Variants in IGF2R observed in about 807,000 individuals in gnomAD.
IGF2R encodes the protein insulin like growth factor 2 receptor, also known as cation-independent mannose-6-phosphate receptor.
Under a neutral mutation model 270.6 loss-of-function variants are expected in IGF2R, and 91 were observed. The ratio of observed to expected loss-of-function variants is 0.34; its 90% CI spans 0.28 to 0.40. IGF2R has a LOEUF of 0.40. Ranked by LOEUF, IGF2R falls within the 10% of genes least tolerant of loss-of-function variation. The pLI is 1.00. For synonymous variants in IGF2R, 1,316 were observed against 1,258.9 expected (o/e 1.05, Z -0.96); for missense variants, 2,805 against 3,188.3 (o/e 0.88, Z 2.90).
At chr6:159,980,541 C>T (rs1269358513) in intron 1 of IGF2R, among the ~76,000 whole-genome samples, 2 of 152,222 alleles carry the variant, frequency 1.3e-5, no homozygotes, top group African/African-American at 2.4e-5. Flanking sequence ...GGAGCCTCTG[C>T]TGTCTGATGT....
In IGF2R at chr6:160,064,843, T is replaced by TTTCC; in HGVS notation, c.4059_4060insCCTT (p.Glu1354ProfsTer2). 6.2e-7 allele frequency: 1 copy of TTTCC among 1,613,926 alleles called. No homozygotes were observed. The highest frequency in any genetic ancestry group is 8.5e-7 in the Non-Finnish European group (1 of 1,179,730). ...GGAGACTTCAGATTGTTCCTACTTG[T>TTTCC]TTGAGTGGCGAACGCAGTATGCCTG... is the stretch of plus-strand genomic sequence containing the variant. On this transcript the variant is annotated frameshift_variant, in exon 29 of 48. Coordinates refer to ENST00000356956, the MANE Select transcript of IGF2R (RefSeq NM_000876.4). LOFTEE classifies it high-confidence loss of function.
chr6:160,110,352 TCAG>T lies in IGF2R; in HGVS notation c.*5269_*5271del, dbSNP rs1562383911. On this transcript the variant is annotated 3_prime_UTR_variant, in exon 48 of 48. Coordinates refer to ENST00000356956, the MANE Select transcript of IGF2R (RefSeq NM_000876.4). ...AAAAAATGCTCAGCATCGCTGATCA[TCAG>T]GGAAATGCACATCATAAACACAGTG... The T allele has an allele frequency of 6.6e-6, 1 of 152,240 alleles. No homozygotes were observed. The highest frequency in any genetic ancestry group is 1.5e-5 in the Non-Finnish European group (1 of 68,038). 9.4% of individuals were successfully genotyped at this position (152,240 alleles called of 1,614,324 possible). A position where few individuals can be genotyped will look rare whatever the true frequency, so the allele number is the denominator to read the frequency against.
chr6:160,047,456 T>G (rs1420967499), intron 16 of IGF2R, 120 bp downstream of exon 16: 5 of 863,694 alleles, frequency 5.8e-6, no homozygotes, highest in Non-Finnish European at 8.7e-6. Flanking sequence ...GTCATTAGAT[T>G]TGCCAGGGTG....
rs544275721 is a variant in IGF2R at position 160,061,484 on chromosome 6, GT to G, written c.3263-13del. On this transcript the variant is annotated intron_variant, in intron 23 of 47. Coordinates refer to ENST00000356956, the MANE Select transcript of IGF2R (RefSeq NM_000876.4). ...CAAGGAGGCAGAGTTCTCCAGCGTG[GT>G]TTTTTGTTGTGTTTCAGACCTGGCT... 1.2e-6 allele frequency: 2 copies of G among 1,612,648 alleles called. No homozygotes were observed. The highest frequency in any genetic ancestry group is 1.1e-5 in the South Asian group (1 of 90,860).
At chr6:160,040,529 G>C in intron 10 of IGF2R, 31 bp from the exon 11 acceptor site, 1 of 1,608,632 alleles carries the variant, frequency 6.2e-7, no homozygotes, top group Non-Finnish European at 8.5e-7. Flanking sequence ...GTCACGTATG[G>C]AGTTTAAATT....
At chr6:160,101,964 C>A (rs376718732) in intron 45 of IGF2R, among the ~76,000 whole-genome samples, 115 of 152,262 alleles carry the variant, frequency 7.6e-4, no homozygotes, top group Non-Finnish European at 1.4e-3. Context: ...AGAGGAGACC[C>A]GTCGGGGGCT....
chr6:160,064,357 A>G lies in IGF2R; in HGVS notation c.3887-44A>G, dbSNP rs1430937633. 4 of 1,613,324 alleles carry G rather than the reference A, an allele frequency of 2.5e-6. No individual in the cohort carries two copies. The Admixed American group carries it at 5.0e-5, about 20-fold the overall frequency. On this transcript the variant is annotated intron_variant, in intron 27 of 47. Coordinates refer to ENST00000356956, the MANE Select transcript of IGF2R (RefSeq NM_000876.4). ...TGTCTTAGGCTAAGTTTGACAGCCT[A>G]GGGACCCGAACCAAACCTTGTTTAA...
chr6:160,071,182 G>T (rs1030803109), intron 31 of IGF2R, among the ~76,000 whole-genome samples: 1 of 140,254 alleles, frequency 7.1e-6, no homozygotes, highest in East Asian at 2.4e-4. Flanking sequence ...AAGGTGAAGG[G>T]TGTGTGGAGG....
intron 30 of IGF2R, 142 bp downstream of exon 30, chr6:160,068,527 G>A: frequency 7.0e-7 from 1 of 1,429,496 alleles, no homozygotes; most frequent in Non-Finnish European, 9.5e-7. Context: ...CCTCCTCGTG[G>A]GGTGGTGTTT....
In IGF2R at chr6:160,051,383, G is replaced by A. The variant is rs182427292; in HGVS notation, c.2694+731G>A. ...TTGTGGGATAGATAATGAGATTTCCGAGTTTCTTTTGGAAAGAAGCCTTCT... is the reference window on the plus strand; with the variant it reads ...TTGTGGGATAGATAATGAGATTTCCAAGTTTCTTTTGGAAAGAAGCCTTCT... On this transcript the variant is annotated intron_variant, in intron 19 of 47. Coordinates refer to ENST00000356956, the MANE Select transcript of IGF2R (RefSeq NM_000876.4). Among the ~76,000 whole-genome samples, 678 of 152,292 alleles carry A rather than the reference G, an allele frequency of 4.5e-3. 4 individuals carry two copies. Among genetic ancestry groups the A allele is most frequent in the Middle Eastern group, 0.014 (4 of 294 alleles).
chr6:160,023,045 A>G (rs1161954787), intron 4 of IGF2R, among the ~76,000 whole-genome samples: 2 of 152,158 alleles, frequency 1.3e-5, no homozygotes, highest in Non-Finnish European at 2.9e-5. Flanking sequence ...TGCTTTGAAC[A>G]GGGAGAGGTG....
At chr6:160,068,878 G>A (rs532596332) in intron 30 of IGF2R, among the ~76,000 whole-genome samples, 2 of 152,314 alleles carry the variant, frequency 1.3e-5, no homozygotes, top group South Asian at 2.1e-4. Context: ...ACAGCAGGAC[G>A]AAGAATGATT....
chr6:159,980,231 G>GA lies in IGF2R; in HGVS notation c.149+10839dup, dbSNP rs752177592. 1.7e-5 allele frequency among the ~76,000 whole-genome samples: 2 copies of GA among 114,426 alleles called. 1 individual carries two copies. The highest frequency in any genetic ancestry group is 4.1e-5 in the Non-Finnish European group (2 of 49,280). The allele number at this position is 114,426 out of a possible 152,430, so 75.1% of individuals were successfully genotyped here. A position where few individuals can be genotyped will look rare whatever the true frequency, so the allele number is the denominator to read the frequency against. On this transcript the variant is annotated intron_variant, in intron 1 of 47. Coordinates refer to ENST00000356956, the MANE Select transcript of IGF2R (RefSeq NM_000876.4). ...AGAAAGAAAGAAAGAAAGAAAGAAAGAAAGAAAGGTACATGGAAGATTCGA... is the reference window on the plus strand; with the variant it reads ...AGAAAGAAAGAAAGAAAGAAAGAAAGAAAAGAAAGGTACATGGAAGATTCGA...
rs772408552 is a variant in IGF2R at position 160,078,319 on chromosome 6, T to C, written c.5435T>C (p.Leu1812Pro). The C allele has an allele frequency of 2.5e-6, 4 of 1,614,210 alleles. No homozygotes were observed. The highest frequency in any genetic ancestry group is 3.4e-6 in the Non-Finnish European group (4 of 1,180,002). Residue 1812 changes from leucine to proline, a missense_variant, in exon 37 of 48, where the codon CTC becomes CCC. This residue lies in a region of IGF2R where 1,851 missense variants were observed against 2,207.2 expected (regional missense o/e 0.84). Coordinates refer to ENST00000356956, the MANE Select transcript of IGF2R (RefSeq NM_000876.4). Reference sequence around the variant, plus strand: ...TGTACCCTGACAGATGAGCAGCTCCTCTACAGCTTCAACTTGTCCAGCCTT... The same window carrying C: ...TGTACCCTGACAGATGAGCAGCTCCCCTACAGCTTCAACTTGTCCAGCCTT... ...DGCTLTDEQL[L>P]YSFNLSSLST...
intron 36 of IGF2R, among the ~76,000 whole-genome samples, chr6:160,076,267 G>A (rs1413113740): frequency 6.6e-6 from 1 of 152,202 alleles, no homozygotes; most frequent in East Asian, 1.9e-4. Flanking sequence ...GACTGCTGAT[G>A]CATAAAAGTG....
rs941960767 is a variant in IGF2R, at chr6:160,004,697, G to A, written c.290-4313G>A. The A allele has an allele frequency of 3.9e-5, 6 of 154,370 alleles. 1 individual carries two copies. The highest frequency in any genetic ancestry group is 1.4e-4 in the African/African-American group (6 of 41,386). 9.6% of individuals were successfully genotyped at this position (154,370 alleles called of 1,614,324 possible). ...TGTGGAGGGCCCTTGTGTGCAGCCT[G>A]GTGGTTCCTGTGAGCATGGTTTGGA... On this transcript the variant is annotated intron_variant, in intron 2 of 47. Transcript: ENST00000356956. The surrounding 1 kb of genome is among the most constrained non-coding windows in gnomAD (Gnocchi z 5.2).
At chr6:160,033,504 C>T (rs977812175) in intron 9 of IGF2R, among the ~76,000 whole-genome samples, 11 of 152,256 alleles carry the variant, frequency 7.2e-5, no homozygotes, top group Non-Finnish European at 1.6e-4. Flanking sequence ...TTCCTCTTTC[C>T]ATTTTCCGTA....
chr6:160,012,574 C>A (rs959790939), intron 4 of IGF2R, among the ~76,000 whole-genome samples: 14 of 151,480 alleles, frequency 9.2e-5, no homozygotes, highest in African/African-American at 3.2e-4. Context: ...CACAAGAACT[C>A]ACTCACTATC....
At position 160,084,877 on chromosome 6, in the gene IGF2R, G is replaced by A. The variant is rs1779066293; in HGVS notation, c.6069-118G>A. 1.1e-6 allele frequency: 1 copy of A among 925,102 alleles called. No individual in the cohort carries two copies. Among genetic ancestry groups the A allele is most frequent in the South Asian group, 1.8e-5 (1 of 56,540 alleles). 57.3% of individuals were successfully genotyped at this position (925,102 alleles called of 1,614,324 possible). A position where few individuals can be genotyped will look rare whatever the true frequency, so the allele number is the denominator to read the frequency against. ...CTATTTTAGTGCTACATTCAGTGAT[G>A]GAATGGAGCCCTTAGTTATCAGAAC... is the stretch of plus-strand genomic sequence containing the variant. On this transcript the variant is annotated intron_variant, in intron 40 of 47. Coordinates refer to ENST00000356956, the MANE Select transcript of IGF2R (RefSeq NM_000876.4). The surrounding 1 kb of genome is among the most constrained non-coding windows in gnomAD (Gnocchi z 4.6).
Sources: allele counts gnomAD v4.1 joint callset (sites outside exome capture counted in the v4.1 genomes callset), GRCh38; gene constraint gnomAD v4.1.1; regional missense constraint gnomAD v4.1.1; non-coding constraint Gnocchi (gnomAD v3.1); transcripts MANE v1.5; gene names NCBI Gene and HGNC (gene_info 2026-07-23, HGNC 2026-07-21).